CACNA2D3: variants seen among roughly 807,000 people sequenced by gnomAD.
CACNA2D3 encodes the protein calcium voltage-gated channel auxiliary subunit alpha2delta 3, also known as voltage-dependent calcium channel subunit alpha-2/delta-3.
Under a neutral mutation model 160.6 loss-of-function variants are expected in CACNA2D3, and 60 were observed. The ratio of observed to expected loss-of-function variants is 0.37; its 90% CI spans 0.30 to 0.46. CACNA2D3 has a LOEUF of 0.46. Ranked by LOEUF, CACNA2D3 falls within the 20% of genes least tolerant of loss-of-function variation. CACNA2D3 has a pLI of 1.00. For missense variants in CACNA2D3, 1,205 were observed against 1,365.0 expected (o/e 0.88, Z 1.85); for synonymous variants, 558 against 492.9 (o/e 1.13, Z -1.75).
intron 13 of CACNA2D3, among the ~76,000 whole-genome samples, chr3:54,810,260 G>C (rs961440869): frequency 3.3e-5 from 5 of 152,170 alleles, no homozygotes; most frequent in African/African-American, 1.2e-4. Context: ...AGGAAGGATT[G>C]GATTGGAGGG....
At chr3:55,043,845 A>G (rs1001911558) in intron 35 of CACNA2D3, among the ~76,000 whole-genome samples, 3 of 152,172 alleles carry the variant, frequency 2.0e-5, no homozygotes, top group East Asian at 1.9e-4. Context: ...TGGATATCCA[A>G]TTATTCCATT....
chr3:54,873,211 G>A (rs1011559031), intron 18 of CACNA2D3, among the ~76,000 whole-genome samples: 6 of 152,162 alleles, frequency 3.9e-5, no homozygotes, highest in Middle Eastern at 3.4e-3. Context: ...GCACTGTTCT[G>A]GGGAGTAAGT....
At chr3:54,632,686 A>G (rs1035144994) in intron 10 of CACNA2D3, 5 of 152,162 alleles carry the variant, frequency 3.3e-5, no homozygotes, top group African/African-American at 9.7e-5. Flanking sequence ...GAATCCTAAT[A>G]TTTCTGTTGA....
chr3:54,951,340 C>G (rs1701752379), intron 27 of CACNA2D3, among the ~76,000 whole-genome samples: 1 of 152,226 alleles, frequency 6.6e-6, no homozygotes, highest in South Asian at 2.1e-4. Flanking sequence ...CTCTCTTTCA[C>G]AGCACTATAG....
At chr3:54,574,343 A>G (rs927757688) in intron 8 of CACNA2D3, among the ~76,000 whole-genome samples, 3 of 152,118 alleles carry the variant, frequency 2.0e-5, no homozygotes, top group African/African-American at 7.2e-5. Context: ...TCCCTTGGCC[A>G]CTTAAGTTCG....
chr3:54,498,192 G>A (rs1279695780), intron 4 of CACNA2D3, among the ~76,000 whole-genome samples: 2 of 151,732 alleles, frequency 1.3e-5, no homozygotes, highest in African/African-American at 4.8e-5. Context: ...GAATCCATCA[G>A]TTAAGGCATA....
At chr3:54,665,424 T>G (rs867789402) in intron 11 of CACNA2D3, among the ~76,000 whole-genome samples, 25 of 152,358 alleles carry the variant, frequency 1.6e-4, no homozygotes, top group Middle Eastern at 3.4e-3. Context: ...AGGGTTCGCC[T>G]TCTTGCTCAA....
intron 12 of CACNA2D3, among the ~76,000 whole-genome samples, chr3:54,757,530 G>C (rs1183089067): frequency 6.6e-6 from 1 of 152,156 alleles, no homozygotes; most frequent in African/African-American, 2.4e-5. Context: ...AAAACATTTT[G>C]CTATTTTAAG....
At chr3:54,607,451 C>G (rs563049460) in intron 9 of CACNA2D3, among the ~76,000 whole-genome samples, 1 of 152,204 alleles carries the variant, frequency 6.6e-6, no homozygotes, top group Non-Finnish European at 1.5e-5. Context: ...AGGCCGGACT[C>G]CCTGCATCAT....
intron 2 of CACNA2D3, among the ~76,000 whole-genome samples, chr3:54,293,026 C>T (rs1703247326): frequency 6.6e-6 from 1 of 152,132 alleles, no homozygotes; most frequent in Non-Finnish European, 1.5e-5. Context: ...CATGCTACAA[C>T]ATGGATAAGC....
At chr3:54,900,734 C>G (rs1700308716) in intron 27 of CACNA2D3, among the ~76,000 whole-genome samples, 1 of 152,192 alleles carries the variant, frequency 6.6e-6, no homozygotes, top group African/African-American at 2.4e-5. Context: ...GACTTAACAT[C>G]CACTTCTGTG....
At chr3:54,901,690 A>G (rs1700336688) in intron 27 of CACNA2D3, among the ~76,000 whole-genome samples, 1 of 152,204 alleles carries the variant, frequency 6.6e-6, no homozygotes, top group African/African-American at 2.4e-5. Context: ...AAGGTCATTT[A>G]AAGAACCGTA....
At chr3:54,970,760 AC>A in intron 29 of CACNA2D3, among the ~76,000 whole-genome samples, 1 of 151,100 alleles carries the variant, frequency 6.6e-6, no homozygotes, top group Non-Finnish European at 1.5e-5. Flanking sequence ...GCCATCCCAT[AC>A]CCTCTGCCCC....
chr3:54,573,753 G>A (rs1295545939), intron 8 of CACNA2D3, among the ~76,000 whole-genome samples: 2 of 152,164 alleles, frequency 1.3e-5, no homozygotes, highest in African/African-American at 2.4e-5. Flanking sequence ...ACAGTTTGAG[G>A]CTTCTAAATA....
At chr3:54,189,982 C>G (rs1164198405) in intron 2 of CACNA2D3, among the ~76,000 whole-genome samples, 1 of 152,220 alleles carries the variant, frequency 6.6e-6, no homozygotes, top group Admixed American at 6.5e-5. Context: ...ATGCCACAGA[C>G]TGAGTAGCTT....
chr3:54,999,807 G>C (rs1004250265), intron 31 of CACNA2D3, among the ~76,000 whole-genome samples: 1 of 152,194 alleles, frequency 6.6e-6, no homozygotes, highest in Admixed American at 6.5e-5. Context: ...TTTTTGTCTA[G>C]TTGGAAAAGA....
At chr3:54,929,399 C>T (rs910855876) in intron 27 of CACNA2D3, among the ~76,000 whole-genome samples, 14 of 152,230 alleles carry the variant, frequency 9.2e-5, no homozygotes, top group Non-Finnish European at 1.9e-4. Context: ...GAGGTCTTGA[C>T]AGAGGGCCAT....
chr3:54,669,067 T>A (rs1252530234), intron 11 of CACNA2D3, among the ~76,000 whole-genome samples: 1 of 152,254 alleles, frequency 6.6e-6, no homozygotes, highest in Non-Finnish European at 1.5e-5. Context: ...AGAGATGTCT[T>A]ATTGTTTGGC....
chr3:54,829,289 G>A (rs1447276949), intron 14 of CACNA2D3, among the ~76,000 whole-genome samples: 1 of 152,114 alleles, frequency 6.6e-6, no homozygotes, highest in Admixed American at 6.5e-5. Flanking sequence ...TCCTGAACAT[G>A]CCTAGCACAG....
Sources: allele counts gnomAD v4.1 joint callset (sites outside exome capture counted in the v4.1 genomes callset), GRCh38; gene constraint gnomAD v4.1.1; transcripts MANE v1.5; gene names NCBI Gene and HGNC (gene_info 2026-07-23, HGNC 2026-07-21).